TRIM23: variants seen among roughly 807,000 people sequenced by gnomAD.
TRIM23 encodes the protein E3 ubiquitin-protein ligase TRIM23.
A neutral mutation model predicts 71.0 loss-of-function variants in TRIM23; 27 were observed. That is an observed-to-expected ratio of 0.38 (90% CI 0.28 to 0.52). The LOEUF (loss-of-function observed/expected upper bound fraction) is 0.52, where lower values mean the gene tolerates loss of function less well. Among genes scored for constraint, TRIM23 ranks in the 20% least tolerant of loss-of-function variants. The pLI is 0.84. For synonymous variants in TRIM23, 234 were observed against 238.0 expected (o/e 0.98, Z 0.16); for missense variants, 482 against 692.3 (o/e 0.70, Z 3.41).
chr5:65,618,801 G>T (rs555260099), intron 1 of TRIM23, among the ~76,000 whole-genome samples: 6 of 152,122 alleles, frequency 3.9e-5, no homozygotes, highest in Non-Finnish European at 8.8e-5. Flanking sequence ...GGCAAAAAAA[G>T]CAATCATCTT....
Position 65,594,527 on chromosome 5 carries a change from G to A in TRIM23, c.1539C>T (p.Asn513=). The part of the protein sequence containing the change: ...LRDALLLIFA[N]KQDVAGALSV... ...CAATATAAAAATGCATTACCTGTTT[G>A]TTAGCAAAAATCAGGAGCAGAGCAT... The change falls in exon 10 of 11, where the codon AAC becomes AAT. Residue 513 remains asparagine, a synonymous_variant. Transcript: ENST00000231524. 6.2e-7 allele frequency: 1 copy of A among 1,604,964 alleles called. No individual in the cohort carries two copies. The highest frequency in any genetic ancestry group is 8.5e-7 in the Non-Finnish European group (1 of 1,177,520).
intron 7 of TRIM23, among the ~76,000 whole-genome samples, chr5:65,598,566 A>G (rs149473717): frequency 0.014 from 2,111 of 152,344 alleles, 55 homozygotes; most frequent in African/African-American, 0.048. Flanking sequence ...CCTGACCAAC[A>G]TAGAGAAACC....
In TRIM23 at chr5:65,591,745, T is replaced by C. The variant is rs918352630; in HGVS notation, c.*24A>G. 6.3e-7 allele frequency: 1 copy of C among 1,586,610 alleles called. No individual in the cohort carries two copies. The highest frequency in any genetic ancestry group is 8.6e-7 in the Non-Finnish European group (1 of 1,164,312). On this transcript the variant is annotated 3_prime_UTR_variant, in exon 11 of 11. Coordinates refer to ENST00000231524, the MANE Select transcript of TRIM23 (RefSeq NM_001656.4). ...GCAAAGTTACTTTTAACCACAAAAC[T>C]TCAAACAACTGCTGCCTTTAAAATC...
chr5:65,599,098 A>C (rs1754290568), intron 7 of TRIM23, among the ~76,000 whole-genome samples: 2 of 152,162 alleles, frequency 1.3e-5, no homozygotes, highest in African/African-American at 4.8e-5. Flanking sequence ...AATAAAAGAC[A>C]TCCAAATTGT....
intron 1 of TRIM23, among the ~76,000 whole-genome samples, chr5:65,619,315 C>T (rs1163085820): frequency 6.6e-6 from 1 of 152,178 alleles, no homozygotes; most frequent in Middle Eastern, 3.2e-3. Context: ...TAAGCGTCTA[C>T]CGTAACACCC....
chr5:65,619,317 G>GT (rs1476279643), intron 1 of TRIM23, among the ~76,000 whole-genome samples: 3 of 152,176 alleles, frequency 2.0e-5, no homozygotes, highest in South Asian at 2.1e-4. Flanking sequence ...AGCGTCTACC[G>GT]TAACACCCAA....
At chr5:65,599,016 C>A (rs1227428632) in intron 7 of TRIM23, among the ~76,000 whole-genome samples, 5 of 152,234 alleles carry the variant, frequency 3.3e-5, no homozygotes, top group African/African-American at 1.2e-4. Context: ...ACATCATACT[C>A]AAAAAACTGA....
intron 2 of TRIM23, among the ~76,000 whole-genome samples, chr5:65,616,722 T>G (rs1426888278): frequency 6.6e-6 from 1 of 152,068 alleles, no homozygotes; most frequent in Non-Finnish European, 1.5e-5. Flanking sequence ...AAGCATAGTT[T>G]TTTTGTTTGT....
In TRIM23 at chr5:65,590,287, C is replaced by T; in HGVS notation, c.*1482G>A. ...TTATGCACACAAACTACACCTGTAA[C>T]AGCATGACCTTTTACCTGAAAAATA... is the stretch of plus-strand genomic sequence containing the variant. On this transcript the variant is annotated 3_prime_UTR_variant, in exon 11 of 11. Transcript: ENST00000231524. The T allele has an allele frequency of 7.4e-7, 1 of 1,352,458 alleles. No individual in the cohort carries two copies. The highest frequency in any genetic ancestry group is 1.0e-6 in the Non-Finnish European group (1 of 964,016). The allele number at this position is 1,352,458 out of a possible 1,614,324, so 83.8% of individuals were successfully genotyped here. A position where few individuals can be genotyped will look rare whatever the true frequency, so the allele number is the denominator to read the frequency against.
At chr5:65,601,290 T>C (rs1754358215) in intron 7 of TRIM23, among the ~76,000 whole-genome samples, 1 of 152,224 alleles carries the variant, frequency 6.6e-6, no homozygotes. Context: ...GTATACACAT[T>C]GTATTAGTCC....
rs576566057 is a variant in TRIM23 at position 65,590,637 on chromosome 5, A to G, written c.*1132T>C. 3.1e-4 allele frequency: 307 copies of G among 988,918 alleles called. No homozygotes were observed. The highest frequency in any genetic ancestry group is 3.7e-4 in the Non-Finnish European group (304 of 828,248). 61.3% of individuals were successfully genotyped at this position (988,918 alleles called of 1,614,324 possible). On this transcript the variant is annotated 3_prime_UTR_variant, in exon 11 of 11. Transcript: ENST00000231524. ...AAATGAAAAACAGTAAAGAGCACACATTTTTATTTACTCACAACACTGAAT... is the reference window on the plus strand; with the variant it reads ...AAATGAAAAACAGTAAAGAGCACACGTTTTTATTTACTCACAACACTGAAT...
intron 2 of TRIM23, among the ~76,000 whole-genome samples, chr5:65,615,692 T>C (rs1306836024): frequency 6.6e-6 from 1 of 152,232 alleles, no homozygotes; most frequent in Non-Finnish European, 1.5e-5. Flanking sequence ...GTACACTAAG[T>C]GATCATTTAA....
chr5:65,618,524 G>A (rs1754833982), intron 1 of TRIM23, among the ~76,000 whole-genome samples: 2 of 152,178 alleles, frequency 1.3e-5, no homozygotes, highest in South Asian at 2.1e-4. Flanking sequence ...GTTATCTTTT[G>A]AAAATTATGA....
intron 4 of TRIM23, among the ~76,000 whole-genome samples, chr5:65,611,326 G>T (rs1451955447): frequency 1.3e-5 from 2 of 151,832 alleles, no homozygotes; most frequent in Non-Finnish European, 2.9e-5. Flanking sequence ...AAAACAATCT[G>T]GTGCATTATG....
intron 6 of TRIM23, among the ~76,000 whole-genome samples, chr5:65,608,803 G>A (rs1754569925): frequency 6.6e-6 from 1 of 152,084 alleles, no homozygotes; most frequent in Admixed American, 6.6e-5. Context: ...TATAGCAGAC[G>A]TAGGCAGTAC....
chr5:65,614,184 C>A lies in TRIM23; in HGVS notation c.280G>T (p.Ala94Ser). 2.5e-6 allele frequency: 4 copies of A among 1,613,874 alleles called. No homozygotes were observed. The highest frequency in any genetic ancestry group is 3.4e-6 in the Non-Finnish European group (4 of 1,179,906). ...AGTCGTTCCAAAAGCTCCAATAAAG[C>A]AAAATTTTTTTTCAATCCCCAGACA... Reference protein sequence around the residue: ...SGVWGLKKNFALLELLERLQN... With the variant: ...SGVWGLKKNFSLLELLERLQN... Residue 94 changes from alanine (A) to serine (S), a missense_variant, in exon 3 of 11, where the codon GCT (alanine) becomes TCT (serine). Transcript: ENST00000231524.
rs188700283 is a variant in TRIM23 at position 65,611,935 on chromosome 5, C to T, written c.367-54G>A. 47 of 1,507,252 alleles carry T rather than the reference C, an allele frequency of 3.1e-5. 1 individual carries two copies. In the South Asian group the frequency reaches 3.5e-4, roughly 11 times the overall value. The allele number at this position is 1,507,252 out of a possible 1,614,324, so 93.4% of individuals were successfully genotyped here. On this transcript the variant is annotated intron_variant, in intron 3 of 10. Coordinates refer to ENST00000231524, the MANE Select transcript of TRIM23 (RefSeq NM_001656.4). ...ATTGAACCCAATCAGTATAACATGA[C>T]GAATTTTTAAATATAGAATCCATAA...
At position 65,590,307 on chromosome 5, in the gene TRIM23, AAAAT is replaced by A. The variant is rs753916978; in HGVS notation, c.*1458_*1461del. On this transcript the variant is annotated 3_prime_UTR_variant, in exon 11 of 11. Coordinates refer to ENST00000231524, the MANE Select transcript of TRIM23 (RefSeq NM_001656.4). Reference sequence around the variant, plus strand: ...TGTAACAGCATGACCTTTTACCTGAAAAATAAAGGATGAAATATTACATTTATTT... The same window carrying A: ...TGTAACAGCATGACCTTTTACCTGAAAAAGGATGAAATATTACATTTATTT... The A allele has an allele frequency of 1.4e-6, 2 of 1,430,772 alleles. No individual in the cohort carries two copies. Among genetic ancestry groups the A allele is most frequent in the Non-Finnish European group, 1.9e-6 (2 of 1,033,302 alleles). The allele number at this position is 1,430,772 out of a possible 1,614,324, so 88.6% of individuals were successfully genotyped here. A position where few individuals can be genotyped will look rare whatever the true frequency, so the allele number is the denominator to read the frequency against.
intron 2 of TRIM23, among the ~76,000 whole-genome samples, chr5:65,617,441 T>C (rs1041303394): frequency 6.6e-6 from 1 of 152,154 alleles, no homozygotes; most frequent in African/African-American, 2.4e-5. Context: ...TGGAGAAAAC[T>C]CCCTTATCAA....
Sources: gnomAD v4.1 joint callset for allele counts (sites outside exome capture counted in the v4.1 genomes callset) on GRCh38, gnomAD v4.1.1 for gene constraint, MANE v1.5 for transcripts, NCBI Gene and HGNC (gene_info 2026-07-23, HGNC 2026-07-21) for gene names.